The following ERC2 variants were observed in gnomAD, a reference collection of about 807,000 sequenced individuals.
The protein encoded by ERC2 is ELKS/RAB6-interacting/CAST family member 2, also known as ERC protein 2.
A neutral mutation model predicts 114.8 loss-of-function variants in ERC2; 42 were observed. That is an observed-to-expected ratio of 0.37 (90% CI 0.29 to 0.47). ERC2 has a LOEUF of 0.47. Ranked by LOEUF, ERC2 falls within the 20% of genes least tolerant of loss-of-function variation. The pLI is 0.99. For missense variants in ERC2, 939 were observed against 1,150.7 expected, an observed-to-expected ratio of 0.82 and a Z score of 2.66; for synonymous variants, 454 against 425.5, an observed-to-expected ratio of 1.07 and a Z score of -0.82.
intron 7 of ERC2, among the ~76,000 whole-genome samples, chr3:56,032,909 A>AAGAAAGAAAGAAAGAGAGAGAGAGAGAC: frequency 1.8e-5 from 1 of 56,924 alleles, no homozygotes; most frequent in South Asian, 6.4e-4. Context: ...GACAGAAAGA[A>AAGAAAGAAAGAAAGAGAGAGAGAGAGAC]AGAAAGAAAG....
intron 12 of ERC2, among the ~76,000 whole-genome samples, chr3:55,968,613 T>C (rs1020157348): frequency 6.6e-6 from 1 of 152,170 alleles, no homozygotes; most frequent in African/African-American, 2.4e-5. Flanking sequence ...AATGGGAAGC[T>C]ACAATTACAG....
Position 55,796,201 on chromosome 3 carries a change from G to A in ERC2, c.2565-61283C>T, listed in dbSNP as rs191665138. Reference sequence around the variant, plus strand: ...ACATGGAAGGGAATTTCAGGAAGGCGGAACAGCACGTGCAAAAGGTTCGAA... The same window carrying A: ...ACATGGAAGGGAATTTCAGGAAGGCAGAACAGCACGTGCAAAAGGTTCGAA... On this transcript the variant is annotated intron_variant, in intron 14 of 17. Transcript: ENST00000288221. 2.3e-4 allele frequency among the ~76,000 whole-genome samples: 35 copies of A among 152,256 alleles called. No homozygotes were observed. In the East Asian group the frequency reaches 5.8e-3, roughly 25 times the overall value.
chr3:55,836,559 A>G (rs1294581446), intron 14 of ERC2, among the ~76,000 whole-genome samples: 1 of 152,242 alleles, frequency 6.6e-6, no homozygotes, highest in Non-Finnish European at 1.5e-5. Flanking sequence ...ATATGTAGAA[A>G]GCTGAAACTG....
chr3:55,792,313 G>A (rs897593446), intron 14 of ERC2, among the ~76,000 whole-genome samples: 2 of 152,212 alleles, frequency 1.3e-5, no homozygotes, highest in Non-Finnish European at 2.9e-5. Flanking sequence ...GAACAGGCAA[G>A]AAGGCAGAGG....
intron 7 of ERC2, among the ~76,000 whole-genome samples, chr3:56,045,776 G>A (rs1392778894): frequency 5.9e-5 from 9 of 152,014 alleles, no homozygotes; most frequent in Admixed American, 5.9e-4. Flanking sequence ...TGGGTGGACA[G>A]AAAGCCCATA....
chr3:55,917,243 T>A (rs1401332677), intron 13 of ERC2, among the ~76,000 whole-genome samples: 1 of 152,110 alleles, frequency 6.6e-6, no homozygotes, highest in African/African-American at 2.4e-5. Context: ...TCTAACAAGA[T>A]TTTTGCAAGA....
intron 17 of ERC2, among the ~76,000 whole-genome samples, chr3:55,610,264 C>A (rs1388359049): frequency 1.3e-5 from 2 of 151,906 alleles, no homozygotes; most frequent in Non-Finnish European, 2.9e-5. Context: ...TGACAAATAA[C>A]CAGGGATGGG....
rs1216294378 is a variant in ERC2, at chr3:55,508,597, C to A, written c.*2719G>T. 1 of 152,546 alleles carries A rather than the reference C, an allele frequency of 6.6e-6. No individual in the cohort carries two copies. The highest frequency in any genetic ancestry group is 1.5e-5 in the Non-Finnish European group (1 of 68,018). The allele number at this position is 152,546 out of a possible 1,614,324, so 9.4% of individuals were successfully genotyped here. On this transcript the variant is annotated 3_prime_UTR_variant, in exon 18 of 18. Transcript: ENST00000288221. ...ACAAGAAGCACTATCAAACGAGGGTCTCGGGGAATTAGATACACTGACCCT... is the reference window on the plus strand; with the variant it reads ...ACAAGAAGCACTATCAAACGAGGGTATCGGGGAATTAGATACACTGACCCT...
chr3:56,417,567 C>T (rs986819264), intron 2 of ERC2, among the ~76,000 whole-genome samples: 1 of 152,140 alleles, frequency 6.6e-6, no homozygotes, highest in African/African-American at 2.4e-5. Flanking sequence ...TCTAATTCCA[C>T]TGACTCTATA....
intron 2 of ERC2, among the ~76,000 whole-genome samples, chr3:56,323,629 C>T (rs962848674): frequency 6.6e-6 from 1 of 152,148 alleles, no homozygotes; most frequent in African/African-American, 2.4e-5. Flanking sequence ...CTGATTATTA[C>T]ACTGCAATAG....
intron 11 of ERC2, among the ~76,000 whole-genome samples, chr3:55,990,681 G>T (rs1332981181): frequency 6.6e-6 from 1 of 152,176 alleles, no homozygotes; most frequent in Non-Finnish European, 1.5e-5. Flanking sequence ...CTCCCAAAGT[G>T]CTGGGATTAT....
intron 17 of ERC2, among the ~76,000 whole-genome samples, chr3:55,550,887 G>GCACA (rs2055140863): frequency 2.6e-5 from 4 of 151,820 alleles, no homozygotes; most frequent in Admixed American, 2.6e-4. Context: ...GTGGTGGTGG[G>GCACA]TGCCTGTAGT....
intron 17 of ERC2, among the ~76,000 whole-genome samples, chr3:55,650,940 G>A (rs369486818): frequency 6.6e-6 from 1 of 151,112 alleles, no homozygotes; most frequent in South Asian, 2.1e-4. Flanking sequence ...TTCACCTCCC[G>A]GGTTCAACCA....
intron 3 of ERC2, among the ~76,000 whole-genome samples, chr3:56,242,296 T>C (rs1034324368): frequency 1.3e-5 from 2 of 151,964 alleles, no homozygotes; most frequent in Non-Finnish European, 2.9e-5. Context: ...AATGATATAA[T>C]GGACTTTGGG....
In ERC2 at chr3:56,300,761, C is replaced by G. The variant is rs528934186; in HGVS notation, c.658-4326G>C. Among the ~76,000 whole-genome samples the G allele has an allele frequency of 3.9e-5, 6 of 152,308 alleles. No homozygotes were observed. In the East Asian group the frequency reaches 9.6e-4, roughly 24 times the overall value. On this transcript the variant is annotated intron_variant, in intron 2 of 17. Transcript: ENST00000288221. ...AAGTAACCTGCTCCCAGTCACCCAC[C>G]TACGTAAGTGGTACAGCCACAGGTG...
intron 14 of ERC2, among the ~76,000 whole-genome samples, chr3:55,800,207 G>A (rs1353998587): frequency 6.6e-6 from 1 of 151,898 alleles, no homozygotes; most frequent in Non-Finnish European, 1.5e-5. Context: ...ATGGCGTGAT[G>A]TCGGCTCACT....
intron 3 of ERC2, among the ~76,000 whole-genome samples, chr3:56,249,418 C>T (rs539055172): frequency 8.9e-4 from 135 of 152,034 alleles, no homozygotes; most frequent in Non-Finnish European, 1.8e-3. Flanking sequence ...CTCCGCCTCC[C>T]GGGTTCACGC....
intron 15 of ERC2, among the ~76,000 whole-genome samples, chr3:55,730,610 C>T (rs1267823232): frequency 2.6e-5 from 4 of 152,180 alleles, no homozygotes; most frequent in Non-Finnish European, 5.9e-5. Flanking sequence ...GTGGCTCACA[C>T]CCGTAATCCC....
intron 15 of ERC2, among the ~76,000 whole-genome samples, chr3:55,726,559 AT>A (rs1339609051): frequency 6.6e-6 from 1 of 152,186 alleles, no homozygotes; most frequent in Non-Finnish European, 1.5e-5. Context: ...TCCTGAACAC[AT>A]TCCAGGGCAG....
Sources: allele counts gnomAD v4.1 joint callset (sites outside exome capture counted in the v4.1 genomes callset), GRCh38; gene constraint gnomAD v4.1.1; transcripts MANE v1.5; gene names NCBI Gene and HGNC (gene_info 2026-07-23, HGNC 2026-07-21).